TNFRSF19: variants seen among roughly 807,000 people sequenced by gnomAD.
TNFRSF19 encodes the protein tumor necrosis factor receptor superfamily member 19.
A neutral mutation model predicts 46.4 loss-of-function variants in TNFRSF19; 27 were observed. That is an observed-to-expected ratio of 0.58 (90% CI 0.43 to 0.80). The LOEUF is 0.80. Ranked by LOEUF, TNFRSF19 falls within the 30% of genes least tolerant of loss-of-function variation. The probability of loss-of-function intolerance (pLI) is 0.00; values close to 1 mark genes in which losing one functional copy is unlikely to be tolerated. For missense variants in TNFRSF19, 511 were observed against 530.8 expected, an observed-to-expected ratio of 0.96 and a Z score of 0.37; for synonymous variants, 204 against 205.0, an observed-to-expected ratio of 1.00 and a Z score of 0.04.
At chr13:23,643,714 C>T (rs913018054) in intron 5 of TNFRSF19, among the ~76,000 whole-genome samples, 5 of 152,174 alleles carry the variant, frequency 3.3e-5, no homozygotes, top group African/African-American at 1.2e-4. Flanking sequence ...TGCCGGATGG[C>T]GAGAAGGTGC....
chr13:23,662,554 G>T (rs1057153719), intron 7 of TNFRSF19, among the ~76,000 whole-genome samples: 2 of 152,144 alleles, frequency 1.3e-5, no homozygotes, highest in Non-Finnish European at 2.9e-5. Flanking sequence ...GTTTTTCCTA[G>T]TTCTGTGAAG....
chr13:23,673,491 T>A lies in TNFRSF19; in HGVS notation c.*111T>A. ...CCTTGCATGGCTTCTGGGGCAAAAA[T>A]AAATCTGAACCAAACTGACGGCATT... On this transcript the variant is annotated 3_prime_UTR_variant, in exon 10 of 10. Transcript: ENST00000248484. 7.1e-7 allele frequency: 1 copy of A among 1,410,254 alleles called. No homozygotes were observed. The allele number at this position is 1,410,254 out of a possible 1,614,324, so 87.4% of individuals were successfully genotyped here.
intron 7 of TNFRSF19, 148 bp downstream of exon 7, chr13:23,660,638 C>T (rs756169410): frequency 3.6e-5 from 34 of 942,086 alleles, no homozygotes; most frequent in Non-Finnish European, 5.0e-5. Flanking sequence ...TATTCTCCAC[C>T]ATCTCCTGTT....
intron 7 of TNFRSF19, 95 bp from the exon 8 acceptor site, chr13:23,667,885 A>G (rs1250271671): frequency 9.5e-7 from 1 of 1,055,824 alleles, no homozygotes; most frequent in Non-Finnish European, 1.3e-6. Context: ...CCCAAAGGGA[A>G]ACATCTAAAT....
At chr13:23,597,934 TG>T (rs1200372549) in intron 3 of TNFRSF19, among the ~76,000 whole-genome samples, 1 of 152,350 alleles carries the variant, frequency 6.6e-6, no homozygotes, top group African/African-American at 2.4e-5. Context: ...GATGCAAGGC[TG>T]GTTCAATATA....
At chr13:23,590,890 T>C (rs1390236579) in intron 2 of TNFRSF19, among the ~76,000 whole-genome samples, 2 of 152,218 alleles carry the variant, frequency 1.3e-5, no homozygotes, top group African/African-American at 4.8e-5. Flanking sequence ...TAAAAGACCA[T>C]AAATTCTAAT....
chr13:23,647,293 G>A (rs995873630), intron 5 of TNFRSF19, among the ~76,000 whole-genome samples: 3 of 152,204 alleles, frequency 2.0e-5, no homozygotes, highest in Middle Eastern at 3.4e-3. Context: ...TATAAAGTCC[G>A]ATGTATCTAT....
At chr13:23,652,213 T>G (rs568581289) in intron 5 of TNFRSF19, among the ~76,000 whole-genome samples, 1 of 152,322 alleles carries the variant, frequency 6.6e-6, no homozygotes, top group African/African-American at 2.4e-5. Context: ...TCTCCATACC[T>G]CTGTCTACTG....
chr13:23,652,948 C>T lies in TNFRSF19; in HGVS notation c.446-6102C>T, dbSNP rs185637877. On this transcript the variant is annotated intron_variant, in intron 5 of 9. Transcript: ENST00000248484. ...TCCTTTCTGTGGGAGATGTAATTGG[C>T]TAGGATAAATACTAAGCTGCTGTAA... Among the ~76,000 whole-genome samples, 294 of 152,312 alleles carry T rather than the reference C, an allele frequency of 1.9e-3. 4 individuals carry two copies. Among genetic ancestry groups the T allele is most frequent in the Non-Finnish European group, 5.0e-4 (34 of 68,032 alleles).
chr13:23,613,048 A>C (rs1259491838), intron 3 of TNFRSF19, among the ~76,000 whole-genome samples: 2 of 152,226 alleles, frequency 1.3e-5, no homozygotes, highest in African/African-American at 4.8e-5. Context: ...AATTAAGAAA[A>C]TTATGATTTC....
Position 23,616,048 on chromosome 13 carries a change from G to T in TNFRSF19, c.359+3G>T. 1 of 1,582,438 alleles carries T rather than the reference G, an allele frequency of 6.3e-7. No individual in the cohort carries two copies. The highest frequency in any genetic ancestry group is 8.6e-7 in the Non-Finnish European group (1 of 1,161,550). On this transcript the variant is annotated splice_donor_region_variant and intron_variant, in intron 4 of 9. Transcript: ENST00000248484. Reference sequence around the variant, plus strand: ...ATCTGCGGGGACTGCTTGCCAGGGTGAGTTGGCCAGTTTCTTTCACTTGTA... The same window carrying T: ...ATCTGCGGGGACTGCTTGCCAGGGTTAGTTGGCCAGTTTCTTTCACTTGTA...
intron 4 of TNFRSF19, among the ~76,000 whole-genome samples, chr13:23,624,752 A>G (rs985683179): frequency 2.0e-5 from 3 of 151,458 alleles, no homozygotes; most frequent in Admixed American, 2.0e-4. Flanking sequence ...TATACACATA[A>G]CTTTTTTTTT....
intron 3 of TNFRSF19, among the ~76,000 whole-genome samples, chr13:23,611,153 C>CAA (rs1304752419): frequency 7.9e-6 from 1 of 126,010 alleles, no homozygotes; most frequent in Non-Finnish European, 1.8e-5. Context: ...CACACACACT[C>CAA]CTTCTCTTGC....
intron 5 of TNFRSF19, among the ~76,000 whole-genome samples, chr13:23,639,027 CAATT>C (rs1188181579): frequency 2.6e-5 from 4 of 152,130 alleles, no homozygotes; most frequent in African/African-American, 9.7e-5. Context: ...TTCAACTCAA[CAATT>C]AATTTTTATT....
In TNFRSF19 at chr13:23,615,867, G is replaced by A. The variant is rs754553305; in HGVS notation, c.181G>A (p.Glu61Lys). Residue 61 changes from glutamate (E) to lysine (K), a missense_variant and splice_region_variant, in exon 4 of 10, where the codon GAA becomes AAA. Glu to Lys is a moderately conservative substitution (Grantham distance 56). Coordinates refer to ENST00000248484, the MANE Select transcript of TNFRSF19 (RefSeq NM_148957.4). The stretch of plus-strand genomic sequence containing the variant: ...TTCTGTTACCCGTTAATCCCCACAG[G>A]AATGTGGCTTCGGCTATGGGGAGGA... ...QCGPGMELSK[E>K]CGFGYGEDAQ... The A allele has an allele frequency of 1.9e-6, 3 of 1,595,670 alleles. No individual in the cohort carries two copies. The highest frequency in any genetic ancestry group is 1.7e-4 in the Middle Eastern group (1 of 5,922).
At chr13:23,646,242 A>G (rs556216932) in intron 5 of TNFRSF19, among the ~76,000 whole-genome samples, 20 of 152,234 alleles carry the variant, frequency 1.3e-4, no homozygotes, top group East Asian at 3.9e-4. Context: ...AGCCCCCCCA[A>G]TCACTTCCTA....
At chr13:23,572,723 T>A (rs146495884) in intron 1 of TNFRSF19, among the ~76,000 whole-genome samples, 1 of 152,206 alleles carries the variant, frequency 6.6e-6, no homozygotes, top group East Asian at 1.9e-4. Context: ...ATAGAGTGTA[T>A]TTGATTTTAA....
chr13:23,591,057 G>A (rs1879247876), intron 2 of TNFRSF19, among the ~76,000 whole-genome samples: 1 of 152,212 alleles, frequency 6.6e-6, no homozygotes, highest in East Asian at 1.9e-4. Flanking sequence ...ATTTATGAAT[G>A]TGTTCAAAAG....
intron 3 of TNFRSF19, among the ~76,000 whole-genome samples, chr13:23,595,778 C>T (rs1260038678): frequency 6.6e-6 from 1 of 152,112 alleles, no homozygotes; most frequent in Admixed American, 6.5e-5. Flanking sequence ...AGATACTCCT[C>T]AAGACGAGCA....
Sources: allele counts gnomAD v4.1 joint callset (sites outside exome capture counted in the v4.1 genomes callset), GRCh38; gene constraint gnomAD v4.1.1; transcripts MANE v1.5; gene names NCBI Gene and HGNC (gene_info 2026-07-23, HGNC 2026-07-21).